Variants in CHST11 observed in about 807,000 individuals in gnomAD.
The protein encoded by CHST11 is carbohydrate sulfotransferase 11.
Under a neutral mutation model 30.4 loss-of-function variants are expected in CHST11, and 9 were observed. That is an observed-to-expected ratio of 0.30 (90% CI 0.18 to 0.52). The LOEUF is 0.52. Ranked by LOEUF, CHST11 falls within the 20% of genes least tolerant of loss-of-function variation. The probability of loss-of-function intolerance (pLI) is 0.97; values close to 1 mark genes in which losing one functional copy is unlikely to be tolerated. For synonymous variants in CHST11, 152 were observed against 187.8 expected (o/e 0.81, Z 1.56); for missense variants, 348 against 460.6 (o/e 0.76, Z 2.24).
At chr12:104,492,677 C>T (rs984302921) in intron 1 of CHST11, among the ~76,000 whole-genome samples, 1 of 152,204 alleles carries the variant, frequency 6.6e-6, no homozygotes, top group African/African-American at 2.4e-5. Context: ...GAACAAGATA[C>T]AGTTTGAAGA....
intron 2 of CHST11, among the ~76,000 whole-genome samples, chr12:104,736,888 T>G (rs2040305718): frequency 1.3e-5 from 2 of 152,220 alleles, no homozygotes; most frequent in South Asian, 2.1e-4. Flanking sequence ...AAATGCATCC[T>G]TCTGCTGCAT....
chr12:104,617,263 GT>G (rs1309956187), intron 2 of CHST11, among the ~76,000 whole-genome samples: 1 of 152,166 alleles, frequency 6.6e-6, no homozygotes, highest in Non-Finnish European at 1.5e-5. Flanking sequence ...GGTCCCCTGG[GT>G]AGCCACAGTC....
intron 2 of CHST11, among the ~76,000 whole-genome samples, chr12:104,687,496 T>C (rs1027362171): frequency 1.1e-4 from 16 of 152,202 alleles, no homozygotes; most frequent in African/African-American, 3.9e-4. Flanking sequence ...AGCCCTTATT[T>C]TACAGATGAA....
At chr12:104,590,558 G>A (rs11614814) in intron 1 of CHST11, among the ~76,000 whole-genome samples, 3,800 of 152,280 alleles carry the variant, frequency 0.025, 72 homozygotes, top group Non-Finnish European at 0.036. Context: ...TTAGGGTCTC[G>A]TGGTGGCAAC....
chr12:104,747,240 C>T (rs1189675001), intron 2 of CHST11, among the ~76,000 whole-genome samples: 1 of 152,246 alleles, frequency 6.6e-6, no homozygotes, highest in East Asian at 1.9e-4. Flanking sequence ...CTCCAGACCC[C>T]AGGAGGCTGC....
At chr12:104,530,804 T>C (rs2038175874) in intron 1 of CHST11, among the ~76,000 whole-genome samples, 1 of 152,244 alleles carries the variant, frequency 6.6e-6, no homozygotes, top group Non-Finnish European at 1.5e-5. Context: ...ATCTGTGGCC[T>C]TAAGAAGGTG....
intron 2 of CHST11, among the ~76,000 whole-genome samples, chr12:104,742,165 A>G (rs1441369313): frequency 6.6e-6 from 1 of 152,196 alleles, no homozygotes; most frequent in Non-Finnish European, 1.5e-5. Context: ...CATTTTGCAG[A>G]TGAGGAAACT....
intron 2 of CHST11, among the ~76,000 whole-genome samples, chr12:104,621,133 C>G (rs2039155256): frequency 6.6e-6 from 1 of 152,228 alleles, no homozygotes; most frequent in African/African-American, 2.4e-5. Flanking sequence ...AGCGTTGTTG[C>G]TGATCTCAAG....
intron 2 of CHST11, among the ~76,000 whole-genome samples, chr12:104,690,432 G>T (rs144291854): frequency 3.3e-5 from 5 of 152,142 alleles, no homozygotes; most frequent in African/African-American, 1.2e-4. Context: ...AATAAAAGTC[G>T]ATTTCTGATC....
At chr12:104,741,242 TTGG>T (rs1451798129) in intron 2 of CHST11, among the ~76,000 whole-genome samples, 1 of 152,042 alleles carries the variant, frequency 6.6e-6, no homozygotes, top group Non-Finnish European at 1.5e-5. Flanking sequence ...GGCCCCAGGC[TTGG>T]TGGTGGTGGT....
At chr12:104,674,964 T>A (rs2039727321) in intron 2 of CHST11, among the ~76,000 whole-genome samples, 1 of 152,326 alleles carries the variant, frequency 6.6e-6, no homozygotes, top group Non-Finnish European at 1.5e-5. Context: ...TAATAACAGG[T>A]CCTGATACAT....
chr12:104,707,097 G>A (rs559575312), intron 2 of CHST11, among the ~76,000 whole-genome samples: 1 of 152,336 alleles, frequency 6.6e-6, no homozygotes, highest in African/African-American at 2.4e-5. Context: ...GCCCACTGCA[G>A]CACCTTCCCA....
intron 2 of CHST11, among the ~76,000 whole-genome samples, chr12:104,646,690 TC>T (rs2039435853): frequency 6.6e-6 from 1 of 152,176 alleles, no homozygotes. Context: ...AGAGCAAGAC[TC>T]CGTCTCAAAA....
At chr12:104,745,020 C>T (rs1212338189) in intron 2 of CHST11, among the ~76,000 whole-genome samples, 5 of 152,104 alleles carry the variant, frequency 3.3e-5, no homozygotes, top group Non-Finnish European at 5.9e-5. Flanking sequence ...ATTACAGGTG[C>T]CCACCATCAT....
chr12:104,517,021 G>T (rs1342239083), intron 1 of CHST11, among the ~76,000 whole-genome samples: 1 of 151,686 alleles, frequency 6.6e-6, no homozygotes, highest in African/African-American at 2.4e-5. Flanking sequence ...CTCTCTTCAT[G>T]CATTCTCTTT....
intron 2 of CHST11, among the ~76,000 whole-genome samples, chr12:104,630,808 G>C (rs1299886249): frequency 6.6e-6 from 1 of 152,164 alleles, no homozygotes; most frequent in Non-Finnish European, 1.5e-5. Flanking sequence ...TAAATCAATT[G>C]ATATCTCTCA....
rs931584913 is a variant in CHST11, at chr12:104,514,376, C to G, written c.118+56847C>G. The G allele has an allele frequency of 1.0e-4, 96 of 944,666 alleles. No individual in the cohort carries two copies. In the Admixed American group the frequency reaches 1.6e-3, roughly 16 times the overall value. 58.5% of individuals were successfully genotyped at this position (944,666 alleles called of 1,614,324 possible). A position where few individuals can be genotyped will look rare whatever the true frequency, so the allele number is the denominator to read the frequency against. On this transcript the variant is annotated intron_variant, in intron 1 of 2. Transcript: ENST00000303694. Reference sequence around the variant, plus strand: ...TCTTCTATGCCATTCTGGGCTTTGCCCTGTCTGAGGTCATGGGGCTCTTCT... The same window carrying G: ...TCTTCTATGCCATTCTGGGCTTTGCGCTGTCTGAGGTCATGGGGCTCTTCT...
rs558224189 is a variant in CHST11 at position 104,658,612 on chromosome 12, G to A, written c.204+56621G>A. ...ATCTGGAGAGGGGGAGGTAGCCCTG[G>A]GGACCGTAACTCTGGCACTTCCTAG... On this transcript the variant is annotated intron_variant, in intron 2 of 2. Transcript: ENST00000303694. 3.9e-5 allele frequency among the ~76,000 whole-genome samples: 6 copies of A among 152,214 alleles called. No individual in the cohort carries two copies. In the South Asian group the frequency reaches 1.2e-3, roughly 32 times the overall value.
At chr12:104,624,824 T>C (rs2039196310) in intron 2 of CHST11, among the ~76,000 whole-genome samples, 1 of 152,228 alleles carries the variant, frequency 6.6e-6, no homozygotes, top group Non-Finnish European at 1.5e-5. Flanking sequence ...CAGGTGCCAG[T>C]AAGGTTGGTT....
Sources: gnomAD v4.1 joint callset for allele counts (sites outside exome capture counted in the v4.1 genomes callset) on GRCh38, gnomAD v4.1.1 for gene constraint, MANE v1.5 for transcripts, NCBI Gene and HGNC (gene_info 2026-07-23, HGNC 2026-07-21) for gene names.